The following RNF111 variants were observed in gnomAD, a reference collection of about 807,000 sequenced individuals.
RNF111 encodes E3 ubiquitin-protein ligase Arkadia.
In RNF111, 17 loss-of-function variants were observed where a neutral mutation model predicts 95.1. The observed-to-expected ratio is 0.18, with a 90% confidence interval of 0.12 to 0.27. The LOEUF (loss-of-function observed/expected upper bound fraction) is 0.27. RNF111 is among the 10% of genes least tolerant of loss of function. The pLI, the probability that RNF111 is intolerant of heterozygous loss-of-function variation, is 1.00. For missense variants in RNF111, 1,189 were observed against 1,210.4 expected, an observed-to-expected ratio of 0.98 and a Z score of 0.26; for synonymous variants, 440 against 414.8, an observed-to-expected ratio of 1.06 and a Z score of -0.74.
intron 7 of RNF111, among the ~76,000 whole-genome samples, chr15:59,078,797 T>C (rs2078648283): frequency 6.6e-6 from 1 of 150,744 alleles, no homozygotes; most frequent in African/African-American, 2.4e-5. Flanking sequence ...AGATGGAGAT[T>C]GCAGTGAGCT....
chr15:58,992,271 G>A (rs190647654), intron 1 of RNF111, among the ~76,000 whole-genome samples: 1 of 152,196 alleles, frequency 6.6e-6, no homozygotes, highest in East Asian at 1.9e-4. Context: ...TCTTGAACTC[G>A]TGATCTCAGG....
intron 2 of RNF111, among the ~76,000 whole-genome samples, chr15:59,033,133 A>AT (rs1317044759): frequency 6.6e-6 from 1 of 152,156 alleles, no homozygotes; most frequent in Non-Finnish European, 1.5e-5. Context: ...GAGCTTTCTA[A>AT]AGGGCTAGCT....
intron 8 of RNF111, 21 bp from the exon 9 acceptor site, chr15:59,084,108 T>C: frequency 1.3e-6 from 2 of 1,567,826 alleles, no homozygotes; most frequent in Non-Finnish European, 1.7e-6. Context: ...CCAGTGGTCT[T>C]TTTGTGTTCT....
At chr15:59,045,164 TAC>T (rs1452426140) in intron 2 of RNF111, among the ~76,000 whole-genome samples, 1 of 124,498 alleles carries the variant, frequency 8.0e-6, no homozygotes, top group African/African-American at 3.7e-5. Flanking sequence ...GCTTATTTTT[TAC>T]AGTTTTTTTT....
At chr15:59,019,105 A>ATTTTTTTTTTT (rs35154303) in intron 1 of RNF111, among the ~76,000 whole-genome samples, 62 of 121,254 alleles carry the variant, frequency 5.1e-4, no homozygotes, top group African/African-American at 1.6e-3. Flanking sequence ...GTATTTTTGT[A>ATTTTTTTTTTT]TTTTTTTTTT....
At chr15:59,064,821 G>C (rs1050032176) in intron 5 of RNF111, among the ~76,000 whole-genome samples, 3 of 151,892 alleles carry the variant, frequency 2.0e-5, no homozygotes, top group Non-Finnish European at 1.5e-5. Flanking sequence ...ACCTTGAAGA[G>C]ATGAGAATCC....
intron 2 of RNF111, among the ~76,000 whole-genome samples, chr15:59,034,825 T>G (rs2041092387): frequency 6.6e-6 from 1 of 152,254 alleles, no homozygotes; most frequent in South Asian, 2.1e-4. Flanking sequence ...TAATTTGACT[T>G]ATTTACTACA....
At chr15:58,991,097 G>C (rs183911637) in intron 1 of RNF111, among the ~76,000 whole-genome samples, 1 of 151,962 alleles carries the variant, frequency 6.6e-6, no homozygotes, top group Non-Finnish European at 1.5e-5. Flanking sequence ...TTCGAGAGCA[G>C]CCAGGCCAAC....
rs189886072 is a variant in RNF111 at position 59,027,289 on chromosome 15, C to T, written c.-19-3515C>T. On this transcript the variant is annotated intron_variant, in intron 1 of 13. Transcript: ENST00000348370. ...ACATGGGTTTCTGGAAGAACCCCAG[C>T]TGTTTCCAACATACATCATGAGACT... Among the ~76,000 whole-genome samples, 40 of 152,310 alleles carry T rather than the reference C, an allele frequency of 2.6e-4. No individual in the cohort carries two copies. In the East Asian group the frequency reaches 6.2e-3, roughly 23 times the overall value.
At position 59,036,875 on chromosome 15, in the gene RNF111, G is replaced by A. The variant is rs181552019; in HGVS notation, c.880+5173G>A. Among the ~76,000 whole-genome samples, 34 of 152,198 alleles carry A rather than the reference G, an allele frequency of 2.2e-4. No individual in the cohort carries two copies. In the East Asian group the frequency reaches 6.4e-3, roughly 28 times the overall value. ...TGAGACAGTCTTATCTGTTGTCCAGGTTGGAGTGCAGTGGTGCAATTATGA... is the reference window on the plus strand; with the variant it reads ...TGAGACAGTCTTATCTGTTGTCCAGATTGGAGTGCAGTGGTGCAATTATGA... On this transcript the variant is annotated intron_variant, in intron 2 of 13. Transcript: ENST00000348370.
intron 6 of RNF111, among the ~76,000 whole-genome samples, chr15:59,070,909 A>G (rs1309394745): frequency 6.6e-6 from 1 of 152,222 alleles, no homozygotes. Context: ...GTTGCTGTAT[A>G]TAATTCCATA....
chr15:59,062,505 A>G (rs1207909114), intron 5 of RNF111, among the ~76,000 whole-genome samples: 2 of 152,210 alleles, frequency 1.3e-5, no homozygotes, highest in African/African-American at 4.8e-5. Context: ...TTTGTTTAAC[A>G]CATATTTATT....
intron 1 of RNF111, among the ~76,000 whole-genome samples, chr15:59,008,784 A>G (rs1221306891): frequency 6.6e-6 from 1 of 152,072 alleles, no homozygotes; most frequent in African/African-American, 2.4e-5. Context: ...CTTTTGGCTT[A>G]TACTTTAAAA....
At chr15:59,077,865 G>A (rs1216507458) in intron 7 of RNF111, among the ~76,000 whole-genome samples, 2 of 152,324 alleles carry the variant, frequency 1.3e-5, no homozygotes, top group African/African-American at 4.8e-5. Context: ...TTCTGTTAGA[G>A]ACATTTTGAT....
Position 59,094,899 on chromosome 15 carries a change from G to GAC in RNF111, c.*2_*3dup, listed in dbSNP as rs2079151423. The GAC allele has an allele frequency of 6.4e-7, 1 of 1,563,592 alleles. No homozygotes were observed. Among genetic ancestry groups the GAC allele is most frequent in the Non-Finnish European group, 8.8e-7 (1 of 1,134,266 alleles). ...GAGGCCCAGCTGCCAAGTGAAAGTT[G>GAC]ACACCATGTTTCAGAACTCTTGCCC... The part of the protein sequence containing the change: ...DIEAQLPSES[*] Residue 987 remains the stop codon, a frameshift_variant and stop_retained_variant, in exon 14 of 14, where the codon TGA becomes TGACA. Coordinates refer to ENST00000348370, the MANE Select transcript of RNF111 (RefSeq NM_017610.8). LOFTEE classifies it high-confidence loss of function.
At chr15:59,046,384 G>T (rs1219926845) in intron 2 of RNF111, among the ~76,000 whole-genome samples, 1 of 152,072 alleles carries the variant, frequency 6.6e-6, no homozygotes, top group Admixed American at 6.5e-5. Flanking sequence ...GTGGAAATGA[G>T]GTTTCACCAT....
rs766802133 is a variant in RNF111 at position 59,091,033 on chromosome 15, C to G, written c.2644-26C>G. ...CAAGGAATAATCATCTTGGCTTTTA[C>G]CAGTCATTATATTCTTCACTTTCAG... On this transcript the variant is annotated intron_variant, in intron 11 of 13. Transcript: ENST00000348370. 9 of 1,381,390 alleles carry G rather than the reference C, an allele frequency of 6.5e-6. No homozygotes were observed. The Admixed American group carries it at 1.5e-4, about 24-fold the overall frequency. 85.6% of individuals were successfully genotyped at this position (1,381,390 alleles called of 1,614,324 possible). A position where few individuals can be genotyped will look rare whatever the true frequency, so the allele number is the denominator to read the frequency against.
At chr15:59,021,253 T>C (rs773756783) in intron 1 of RNF111, among the ~76,000 whole-genome samples, 1 of 152,132 alleles carries the variant, frequency 6.6e-6, no homozygotes, top group Non-Finnish European at 1.5e-5. Context: ...TGAGTTCAAG[T>C]GATTCTCCTG....
intron 2 of RNF111, among the ~76,000 whole-genome samples, chr15:59,033,051 GAA>G (rs2040994292): frequency 6.6e-6 from 1 of 152,206 alleles, no homozygotes; most frequent in Admixed American, 6.5e-5. Context: ...AGTGAGCATT[GAA>G]GAGCTGTCTG....
Sources: allele counts gnomAD v4.1 joint callset (sites outside exome capture counted in the v4.1 genomes callset), GRCh38; gene constraint gnomAD v4.1.1; transcripts MANE v1.5; gene names NCBI Gene and HGNC (gene_info 2026-07-23, HGNC 2026-07-21).